Variants in DPP10 observed in about 807,000 individuals in gnomAD.
DPP10 encodes the protein dipeptidyl peptidase like 10.
DPP10 carries 33 observed loss-of-function variants against 120.9 expected under a neutral mutation model. That is an observed-to-expected ratio of 0.27 (90% CI 0.21 to 0.37). DPP10 has a LOEUF of 0.37. Ranked by LOEUF, DPP10 falls within the 10% of genes least tolerant of loss-of-function variation. DPP10 has a pLI of 1.00. For missense variants in DPP10, 816 were observed against 942.8 expected (o/e 0.87, Z 1.76); for synonymous variants, 337 against 326.1 (o/e 1.03, Z -0.36).
chr2:115,216,876 T>TAC (rs2056857412), intron 1 of DPP10, among the ~76,000 whole-genome samples: 1 of 151,946 alleles, frequency 6.6e-6, no homozygotes, highest in Non-Finnish European at 1.5e-5. Context: ...CATAGACATA[T>TAC]ACGTGTATAT....
At chr2:114,554,021 A>T (rs1688089970) in intron 1 of DPP10, among the ~76,000 whole-genome samples, 1 of 152,230 alleles carries the variant, frequency 6.6e-6, no homozygotes, top group African/African-American at 2.4e-5. Flanking sequence ...GAAAACAGGA[A>T]AATGTGAGAC....
chr2:115,627,550 G>T (rs887421206), intron 5 of DPP10, among the ~76,000 whole-genome samples: 4 of 152,218 alleles, frequency 2.6e-5, no homozygotes, highest in African/African-American at 7.2e-5. Context: ...TAAGTTCTGG[G>T]ATACATGTGC....
chr2:115,818,947 T>C (rs976025799), intron 21 of DPP10, among the ~76,000 whole-genome samples: 1 of 152,214 alleles, frequency 6.6e-6, no homozygotes, highest in Admixed American at 6.5e-5. Context: ...TATGCATATC[T>C]GTGACTGAGT....
chr2:115,799,538 C>T (rs1163702857), intron 19 of DPP10, among the ~76,000 whole-genome samples: 1 of 151,124 alleles, frequency 6.6e-6, no homozygotes, highest in Non-Finnish European at 1.5e-5. Flanking sequence ...CACCCATTAA[C>T]ACGTCATTTA....
At position 115,205,796 on chromosome 2, in the gene DPP10, G is replaced by A. The variant is rs558667872; in HGVS notation, c.61-103443G>A. Among the ~76,000 whole-genome samples, 57 of 152,252 alleles carry A rather than the reference G, an allele frequency of 3.7e-4. 3 individuals are homozygous for A. The South Asian group carries it at 9.9e-3, about 27-fold the overall frequency. The stretch of plus-strand genomic sequence containing the variant: ...ATGGAAACAGAAAATCAAATACTGC[G>A]TGTTCTCACTTGTAAGAGGGAGATA... On this transcript the variant is annotated intron_variant, in intron 1 of 25. Coordinates refer to ENST00000410059, the MANE Select transcript of DPP10 (RefSeq NM_020868.6).
chr2:114,746,620 A>G (rs1574091320), intron 1 of DPP10, among the ~76,000 whole-genome samples: 3 of 152,306 alleles, frequency 2.0e-5, no homozygotes, highest in East Asian at 3.9e-4. Context: ...GGGATGGAAC[A>G]TAGGGCTATG....
intron 1 of DPP10, among the ~76,000 whole-genome samples, chr2:114,523,869 A>G (rs1356216247): frequency 6.6e-6 from 1 of 152,176 alleles, no homozygotes. Flanking sequence ...CCATCTCACA[A>G]GAGATGGCAT....
chr2:115,334,230 G>GGTTTTTTTTTTTTTTTTTTTTTTTTTT (rs1553554643), intron 2 of DPP10, among the ~76,000 whole-genome samples: 1 of 56,412 alleles, frequency 1.8e-5, no homozygotes, highest in African/African-American at 4.9e-5. Context: ...AGCAGACTCT[G>GGTTTTTTTTTTTTTTTTTTTTTTTTTT]TTTTTTTTTT....
At chr2:114,905,136 A>G (rs1693863401) in intron 1 of DPP10, among the ~76,000 whole-genome samples, 1 of 152,172 alleles carries the variant, frequency 6.6e-6, no homozygotes, top group African/African-American at 2.4e-5. Context: ...CAAAACTCTT[A>G]TTAATTCTAA....
intron 7 of DPP10, among the ~76,000 whole-genome samples, chr2:115,690,127 T>C (rs1256235411): frequency 1.3e-5 from 2 of 152,138 alleles, no homozygotes; most frequent in Non-Finnish European, 2.9e-5. Context: ...AAGACAAAAG[T>C]TTATTAAGTA....
chr2:114,905,080 G>A (rs192246332), intron 1 of DPP10, among the ~76,000 whole-genome samples: 10 of 152,172 alleles, frequency 6.6e-5, no homozygotes, highest in Non-Finnish European at 1.5e-4. Flanking sequence ...TTTATTGCTG[G>A]AATTAGATAT....
At chr2:114,687,568 C>A (rs567241753) in intron 1 of DPP10, among the ~76,000 whole-genome samples, 1 of 152,044 alleles carries the variant, frequency 6.6e-6, no homozygotes, top group African/African-American at 2.4e-5. Context: ...CATGTTTTGC[C>A]CATTTCACTA....
chr2:115,164,334 C>A (rs769142480), intron 1 of DPP10, among the ~76,000 whole-genome samples: 4 of 151,656 alleles, frequency 2.6e-5, no homozygotes, highest in Non-Finnish European at 5.9e-5. Context: ...CTTTTATTAG[C>A]CATATTAGTC....
intron 1 of DPP10, among the ~76,000 whole-genome samples, chr2:115,042,773 C>T (rs1704760801): frequency 6.6e-6 from 1 of 152,194 alleles, no homozygotes. Context: ...ATGCTATAAT[C>T]TATTGTATAG....
At chr2:115,547,728 G>A (rs2079601247) in intron 5 of DPP10, among the ~76,000 whole-genome samples, 1 of 142,804 alleles carries the variant, frequency 7.0e-6, no homozygotes, top group Non-Finnish European at 1.5e-5. Flanking sequence ...TTACGCCACT[G>A]AACTCCAGCC....
At chr2:115,630,899 A>G (rs930365614) in intron 5 of DPP10, among the ~76,000 whole-genome samples, 3 of 152,142 alleles carry the variant, frequency 2.0e-5, no homozygotes, top group Non-Finnish European at 4.4e-5. Context: ...TTTTGGTATC[A>G]GGATGATGCT....
intron 1 of DPP10, among the ~76,000 whole-genome samples, chr2:114,855,471 G>A (rs967584273): frequency 3.9e-5 from 6 of 152,030 alleles, no homozygotes; most frequent in Non-Finnish European, 7.4e-5. Context: ...GTGGCAGTTC[G>A]AATTATTGTT....
At chr2:115,447,050 C>T (rs774841784) in intron 3 of DPP10, among the ~76,000 whole-genome samples, 16 of 152,288 alleles carry the variant, frequency 1.1e-4, no homozygotes, top group East Asian at 1.9e-4. Context: ...TGAGAACAGA[C>T]GCGGGGGTGG....
chr2:114,453,848 A>G (rs1019440693), intron 1 of DPP10, among the ~76,000 whole-genome samples: 1 of 152,222 alleles, frequency 6.6e-6, no homozygotes, highest in Non-Finnish European at 1.5e-5. Flanking sequence ...TTGTCTATCC[A>G]TATGTTAATT....
Sources: gnomAD v4.1 joint callset for allele counts (sites outside exome capture counted in the v4.1 genomes callset) on GRCh38, gnomAD v4.1.1 for gene constraint, MANE v1.5 for transcripts, NCBI Gene and HGNC (gene_info 2026-07-23, HGNC 2026-07-21) for gene names.